Variants in TAS2R1 observed in about 807,000 individuals in gnomAD.
The protein encoded by TAS2R1 is taste 2 receptor member 1.
For missense variants in TAS2R1, 370 were observed against 353.4 expected, an observed-to-expected ratio of 1.05 and a Z score of -0.38; for synonymous variants, 141 against 134.2, an observed-to-expected ratio of 1.05 and a Z score of -0.35.
the TAS2R1 span, among the ~76,000 whole-genome samples, chr5:9,892,653 G>A: frequency 1.3e-5 from 2 of 152,084 alleles, no homozygotes; most frequent in Non-Finnish European, 2.9e-5. Context: ...ATGTCTTCTT[G>A]ATTCCCTGCA....
chr5:9,859,820 T>G, the TAS2R1 span, among the ~76,000 whole-genome samples: 4 of 152,340 alleles, frequency 2.6e-5, no homozygotes, highest in Middle Eastern at 3.4e-3. Flanking sequence ...GGTCAAAGTC[T>G]CAGTTACATC....
chr5:9,881,888 C>T, the TAS2R1 span, among the ~76,000 whole-genome samples: 43 of 152,178 alleles, frequency 2.8e-4, no homozygotes, highest in Admixed American at 1.3e-3. Context: ...AATGTAAAAC[C>T]CAAAACTATA....
chr5:9,808,116 G>C, the TAS2R1 span, among the ~76,000 whole-genome samples: 8 of 152,158 alleles, frequency 5.3e-5, no homozygotes, highest in African/African-American at 1.9e-4. Context: ...TACTAAAGGG[G>C]AGTCTGATGA....
intron 1 of TAS2R1, among the ~76,000 whole-genome samples, chr5:9,672,666 T>G (rs1446946744): frequency 1.3e-5 from 2 of 152,076 alleles, no homozygotes; most frequent in East Asian, 1.9e-4. Context: ...AAAGGGAATG[T>G]TTATATACTG....
intron 2 of TAS2R1, among the ~76,000 whole-genome samples, chr5:9,651,221 G>A (rs1740299328): frequency 6.6e-6 from 1 of 152,130 alleles, no homozygotes; most frequent in African/African-American, 2.4e-5. Flanking sequence ...CCTGGGGAGG[G>A]ATGATATTAC....
chr5:9,841,919 G>A, the TAS2R1 span, among the ~76,000 whole-genome samples: 3 of 152,182 alleles, frequency 2.0e-5, no homozygotes, highest in Admixed American at 2.0e-4. Context: ...GGAATTTGGA[G>A]GCCAGGAGGC....
the TAS2R1 span, among the ~76,000 whole-genome samples, chr5:9,869,410 C>T: frequency 6.6e-6 from 1 of 152,092 alleles, no homozygotes; most frequent in Non-Finnish European, 1.5e-5. Context: ...AAAACAAAAC[C>T]ATCAGATCTC....
chr5:9,897,103 A>G, the TAS2R1 span, among the ~76,000 whole-genome samples: 1 of 152,220 alleles, frequency 6.6e-6, no homozygotes, highest in East Asian at 1.9e-4. Flanking sequence ...CCTCCAGCTA[A>G]TTATTTAAAG....
chr5:9,791,607 G>A, the TAS2R1 span, among the ~76,000 whole-genome samples: 2 of 152,198 alleles, frequency 1.3e-5, no homozygotes, highest in Non-Finnish European at 2.9e-5. Flanking sequence ...GCTGAGGCAA[G>A]AGAATTGCTT....
intron 1 of TAS2R1, among the ~76,000 whole-genome samples, chr5:9,709,769 T>A (rs572517368): frequency 5.3e-4 from 81 of 152,344 alleles, no homozygotes; most frequent in African/African-American, 1.8e-3. Flanking sequence ...ACATTGTGAC[T>A]AACACCTCAT....
the TAS2R1 span, among the ~76,000 whole-genome samples, chr5:9,868,345 G>A: frequency 2.0e-5 from 3 of 152,168 alleles, no homozygotes; most frequent in African/African-American, 2.4e-5. Context: ...TCTAGGTTCC[G>A]AATCCTCAAT....
chr5:9,823,125 G>C, the TAS2R1 span, among the ~76,000 whole-genome samples: 1 of 150,618 alleles, frequency 6.6e-6, no homozygotes, highest in Admixed American at 6.6e-5. Context: ...GAATAAAAAA[G>C]ACTTATATAA....
intron 1 of TAS2R1, among the ~76,000 whole-genome samples, chr5:9,701,988 A>T (rs907175770): frequency 6.6e-6 from 1 of 152,232 alleles, no homozygotes; most frequent in East Asian, 1.9e-4. Flanking sequence ...GTAGATAACA[A>T]AACAGAAGTT....
the TAS2R1 span, among the ~76,000 whole-genome samples, chr5:9,724,114 A>G: frequency 2.6e-5 from 4 of 152,222 alleles, no homozygotes; most frequent in Non-Finnish European, 5.9e-5. Flanking sequence ...ACAGTCTTCA[A>G]TTCCTGAGAA....
At chr5:9,706,248 G>C (rs937573959) in intron 1 of TAS2R1, among the ~76,000 whole-genome samples, 2 of 152,234 alleles carry the variant, frequency 1.3e-5, no homozygotes, top group South Asian at 2.1e-4. Flanking sequence ...CAGGAGTGTT[G>C]AGGCTATCTT....
intron 1 of TAS2R1, among the ~76,000 whole-genome samples, chr5:9,675,329 CAA>C (rs1353539008): frequency 6.6e-6 from 1 of 151,154 alleles, no homozygotes; most frequent in Non-Finnish European, 1.5e-5. Flanking sequence ...ACTTATTCTA[CAA>C]TATATATGTA....
At chr5:9,736,592 A>G in the TAS2R1 span, among the ~76,000 whole-genome samples, 1 of 152,122 alleles carries the variant, frequency 6.6e-6, no homozygotes, top group African/African-American at 2.4e-5. Context: ...TGCATTTTGT[A>G]TCTCTGTTGT....
At chr5:9,775,598 G>A in the TAS2R1 span, among the ~76,000 whole-genome samples, 1 of 152,114 alleles carries the variant, frequency 6.6e-6, no homozygotes, top group Non-Finnish European at 1.5e-5. Flanking sequence ...GTACTGTCTG[G>A]GGGCTGCTGT....
intron 2 of TAS2R1, among the ~76,000 whole-genome samples, chr5:9,656,983 T>C (rs994737124): frequency 3.3e-5 from 5 of 152,152 alleles, no homozygotes; most frequent in African/African-American, 9.7e-5. Context: ...AACGATGATA[T>C]ATAATATAGA....
Sources: allele counts gnomAD v4.1 joint callset (sites outside exome capture counted in the v4.1 genomes callset), GRCh38; gene constraint gnomAD v4.1.1; transcripts MANE v1.5; gene names NCBI Gene and HGNC (gene_info 2026-07-23, HGNC 2026-07-21).